ANK2: variants seen among roughly 807,000 people sequenced by gnomAD.
ANK2 encodes ankyrin-2.
In ANK2, 83 loss-of-function variants were observed where a neutral mutation model predicts 360.5. The observed-to-expected ratio is 0.23, with a 90% CI of 0.19 to 0.28. ANK2 has a LOEUF of 0.28. ANK2 is among the 10% of genes least tolerant of loss of function. The probability of loss-of-function intolerance (pLI) is 1.00; values close to 1 mark genes in which losing one functional copy is unlikely to be tolerated. For synonymous variants in ANK2, 1,740 were observed against 1,759.5 expected (o/e 0.99, Z 0.28); for missense variants, 4,201 against 4,795.7 (o/e 0.88, Z 3.66).
rs563565646 is a variant in ANK2 at position 113,143,165 on chromosome 4, A to AT, written c.85-31250dup. Among the ~76,000 whole-genome samples the AT allele has an allele frequency of 1.6e-3, 237 of 149,760 alleles. 2 individuals carry two copies. Among genetic ancestry groups the AT allele is most frequent in the African/African-American group, 5.4e-3 (218 of 40,656 alleles). ...AGGACATTGGTCAGAGAAAACAGGT[A>AT]TATCTTGTAAAGAGCGAGAGCTGAT... On this transcript the variant is annotated intron_variant, in intron 1 of 45. Transcript: ENST00000357077.
At chr4:113,083,921 G>A (rs979563333) in intron 1 of ANK2, among the ~76,000 whole-genome samples, 2 of 152,106 alleles carry the variant, frequency 1.3e-5, no homozygotes, top group Non-Finnish European at 2.9e-5. Flanking sequence ...AAATTTCATG[G>A]TTTAGCACAA....
At chr4:112,973,407 C>T (rs1341190230) in intron 2 of ANK2, among the ~76,000 whole-genome samples, 1 of 152,130 alleles carries the variant, frequency 6.6e-6, no homozygotes, top group African/African-American at 2.4e-5. Flanking sequence ...TCAAGATGTT[C>T]GTGTATGTAG....
rs1052278937 is a variant in ANK2 at position 113,372,466 on chromosome 4, G to A, written c.11611-624G>A. 4.9e-6 allele frequency: 5 copies of A among 1,024,400 alleles called. No homozygotes were observed. In the South Asian group the frequency reaches 5.7e-5, roughly 12 times the overall value. The allele number at this position is 1,024,400 out of a possible 1,614,324, so 63.5% of individuals were successfully genotyped here. On this transcript the variant is annotated intron_variant, in intron 43 of 45. Coordinates refer to ENST00000357077, the MANE Select transcript of ANK2 (RefSeq NM_001148.6). ...GTTTCACAATACAATGTAAGCTAAA[G>A]AAGAAACCAGTAGTGAAGTCATTCC...
chr4:113,128,580 C>T (rs1001725217), intron 1 of ANK2, among the ~76,000 whole-genome samples: 1 of 152,138 alleles, frequency 6.6e-6, no homozygotes, highest in Non-Finnish European at 1.5e-5. Flanking sequence ...ACCTCTGGCT[C>T]CTGGGTTAAA....
intron 4 of ANK2, among the ~76,000 whole-genome samples, chr4:113,214,980 C>T (rs79243447): frequency 0.013 from 2,030 of 152,186 alleles, 45 homozygotes; most frequent in African/African-American, 0.047. Flanking sequence ...GGAGACTCTC[C>T]TGTATGTTGT....
At chr4:113,189,953 C>A (rs1267785849) in intron 2 of ANK2, among the ~76,000 whole-genome samples, 7 of 151,854 alleles carry the variant, frequency 4.6e-5, no homozygotes, top group Non-Finnish European at 1.0e-4. Context: ...AAGACCTAGT[C>A]TTTTGGATTG....
intron 1 of ANK2, among the ~76,000 whole-genome samples, chr4:113,062,317 T>C (rs538701287): frequency 3.6e-4 from 55 of 152,244 alleles, no homozygotes; most frequent in Admixed American, 1.6e-3. Context: ...TTAAGTATCA[T>C]GTACATTTCA....
intron 2 of ANK2, among the ~76,000 whole-genome samples, chr4:112,913,093 A>G (rs1002105873): frequency 6.6e-6 from 1 of 152,154 alleles, no homozygotes; most frequent in Non-Finnish European, 1.5e-5. Context: ...AAAAAAACTC[A>G]TATTAGCTCC....
intron 2 of ANK2, among the ~76,000 whole-genome samples, chr4:112,946,579 G>C (rs2094557658): frequency 6.6e-6 from 1 of 152,172 alleles, no homozygotes; most frequent in South Asian, 2.1e-4. Context: ...AGCTGTCCAT[G>C]CACTATTTCT....
intron 1 of ANK2, among the ~76,000 whole-genome samples, chr4:113,127,137 G>C (rs1045037923): frequency 1.8e-4 from 27 of 151,984 alleles, no homozygotes; most frequent in Admixed American, 6.6e-4. Flanking sequence ...AATTATGCTT[G>C]TTTTATTTAT....
At chr4:113,046,350 T>G (rs1246974514), upstream of ANK2, among the ~76,000 whole-genome samples, 3 of 152,100 alleles carry the variant, frequency 2.0e-5, no homozygotes, top group Non-Finnish European at 4.4e-5. Flanking sequence ...GTATACAAGT[T>G]TAAGTAATAT....
chr4:112,892,960 A>G (rs1451602234), intron 1 of ANK2, among the ~76,000 whole-genome samples: 1 of 151,488 alleles, frequency 6.6e-6, no homozygotes, highest in Non-Finnish European at 1.5e-5. Context: ...TTCTAAAAAT[A>G]TATTTTTATA....
At chr4:113,350,126 A>G in intron 36 of ANK2, 102 bp from the exon 37 acceptor site, 3 of 1,049,462 alleles carry the variant, frequency 2.9e-6, no homozygotes, top group South Asian at 2.8e-5. Flanking sequence ...CTATGGTGTC[A>G]CCCAACATGT....
chr4:112,877,240 G>A (rs2075375118), intron 1 of ANK2, among the ~76,000 whole-genome samples: 1 of 152,046 alleles, frequency 6.6e-6, no homozygotes, highest in South Asian at 2.1e-4. Flanking sequence ...CCTGTAAGAC[G>A]TTTTCATCCT....
At chr4:112,905,999 C>G (rs1478218486) in intron 2 of ANK2, among the ~76,000 whole-genome samples, 1 of 152,104 alleles carries the variant, frequency 6.6e-6, no homozygotes, top group Admixed American at 6.6e-5. Context: ...TATTACTCTG[C>G]TTTATTACAT....
At chr4:113,176,263 A>G (rs139145726) in intron 2 of ANK2, among the ~76,000 whole-genome samples, 41 of 152,350 alleles carry the variant, frequency 2.7e-4, no homozygotes, top group African/African-American at 8.9e-4. Flanking sequence ...CTCACCCAGA[A>G]GACTTGTGTC....
intron 4 of ANK2, among the ~76,000 whole-genome samples, chr4:113,201,766 T>C (rs955504801): frequency 6.6e-6 from 1 of 152,248 alleles, no homozygotes; most frequent in African/African-American, 2.4e-5. Context: ...ATGTATATGC[T>C]TTGGAGGCTT....
At chr4:113,045,893 T>G (rs1013262804), upstream of ANK2, among the ~76,000 whole-genome samples, 6 of 152,126 alleles carry the variant, frequency 3.9e-5, no homozygotes. Context: ...AAATAAAAAC[T>G]CATAGTAAGT....
At chr4:113,137,138 T>C (rs2096458040) in intron 1 of ANK2, among the ~76,000 whole-genome samples, 1 of 152,162 alleles carries the variant, frequency 6.6e-6, no homozygotes, top group Admixed American at 6.5e-5. Context: ...CCGACCTAGA[T>C]TTTCGCTTTT....
Sources: allele counts gnomAD v4.1 joint callset (sites outside exome capture counted in the v4.1 genomes callset), GRCh38; gene constraint gnomAD v4.1.1; transcripts MANE v1.5; gene names NCBI Gene and HGNC (gene_info 2026-07-23, HGNC 2026-07-21).